Variants in DPYD observed in about 807,000 individuals in gnomAD.
DPYD encodes dihydropyrimidine dehydrogenase.
In DPYD, 109 loss-of-function variants were observed where a neutral mutation model predicts 116.2. That is an observed-to-expected ratio of 0.94 (90% CI 0.80 to 1.10). DPYD has a LOEUF of 1.10. DPYD is among the 50% of genes least tolerant of loss of function. The pLI is 0.00. For missense variants in DPYD, 1,302 were observed against 1,254.5 expected (o/e 1.04, Z -0.57); for synonymous variants, 440 against 432.0 (o/e 1.02, Z -0.23).
intron 19 of DPYD, among the ~76,000 whole-genome samples, chr1:97,212,594 G>A (rs956312714): frequency 1.3e-5 from 2 of 151,952 alleles, no homozygotes; most frequent in Admixed American, 6.6e-5. Context: ...ATGTGGAGTG[G>A]AATTTCCGGA....
chr1:97,093,853 C>T (rs552646801), intron 21 of DPYD, among the ~76,000 whole-genome samples: 2 of 152,134 alleles, frequency 1.3e-5, no homozygotes, highest in East Asian at 3.9e-4. Context: ...CATGACACGT[C>T]TCTCCTCTTA....
intron 8 of DPYD, among the ~76,000 whole-genome samples, chr1:97,662,282 G>C (rs985393065): frequency 1.3e-5 from 2 of 151,698 alleles, no homozygotes; most frequent in Non-Finnish European, 1.5e-5. Flanking sequence ...GATTACAGGT[G>C]TCAGCCACCG....
rs538762414 is a variant in DPYD at position 97,113,247 on chromosome 1, C to T, written c.2623-14615G>A. On this transcript the variant is annotated intron_variant, in intron 20 of 22. Transcript: ENST00000370192. ...CCTATAGAAAGATTTAAAGCTACAG[C>T]GGGCTCTCTGTTATCTAGGGATGGT... 6.6e-5 allele frequency among the ~76,000 whole-genome samples: 10 copies of T among 152,202 alleles called. No individual in the cohort carries two copies. In the South Asian group the frequency reaches 1.0e-3, roughly 16 times the overall value.
chr1:97,407,679 A>G (rs776085829), intron 14 of DPYD, among the ~76,000 whole-genome samples: 2 of 152,120 alleles, frequency 1.3e-5, no homozygotes, highest in Non-Finnish European at 2.9e-5. Flanking sequence ...AGCATCCAAT[A>G]CACGGTACTC....
At chr1:97,201,520 T>C (rs1659199257) in intron 19 of DPYD, among the ~76,000 whole-genome samples, 1 of 152,166 alleles carries the variant, frequency 6.6e-6, no homozygotes, top group African/African-American at 2.4e-5. Context: ...AAACATGGCA[T>C]TGCTTACTGG....
At chr1:97,710,065 A>C (rs1571228262) in intron 5 of DPYD, among the ~76,000 whole-genome samples, 1 of 151,862 alleles carries the variant, frequency 6.6e-6, no homozygotes. Flanking sequence ...TGATTTCATT[A>C]TCAAATAAAA....
intron 12 of DPYD, among the ~76,000 whole-genome samples, chr1:97,538,859 C>A (rs1326957465): frequency 6.6e-6 from 1 of 152,070 alleles, no homozygotes; most frequent in East Asian, 1.9e-4. Context: ...TAAAATAATT[C>A]TGCCTCACAA....
At chr1:97,302,301 T>C (rs1270998202) in intron 18 of DPYD, among the ~76,000 whole-genome samples, 3 of 151,986 alleles carry the variant, frequency 2.0e-5, no homozygotes, top group Non-Finnish European at 2.9e-5. Context: ...AATATTCCTT[T>C]TGGATACCAA....
chr1:97,229,546 GTA>G (rs55638142), intron 19 of DPYD, among the ~76,000 whole-genome samples: 1,360 of 57,774 alleles, frequency 0.024, 5 homozygotes, highest in African/African-American at 0.039. Flanking sequence ...ACCATCCTAA[GTA>G]TATATATATA....
intron 8 of DPYD, among the ~76,000 whole-genome samples, chr1:97,633,372 G>A (rs1222196161): frequency 6.6e-6 from 1 of 152,048 alleles, no homozygotes; most frequent in Non-Finnish European, 1.5e-5. Context: ...CTGAAAGCCT[G>A]GGCCTAGGGT....
At position 97,600,483 on chromosome 1, in the gene DPYD, A is replaced by G. The variant is rs569343816; in HGVS notation, c.851-5317T>C. Reference sequence around the variant, plus strand: ...TTATTAAATCTTATAAAATATCTTAAGGCCGACTGACCTATTTGTATAATT... The same window carrying G: ...TTATTAAATCTTATAAAATATCTTAGGGCCGACTGACCTATTTGTATAATT... On this transcript the variant is annotated intron_variant, in intron 8 of 22. Coordinates refer to ENST00000370192, the MANE Select transcript of DPYD (RefSeq NM_000110.4). 2.0e-5 allele frequency among the ~76,000 whole-genome samples: 3 copies of G among 152,300 alleles called. No individual in the cohort carries two copies. The East Asian group carries it at 5.8e-4, about 29-fold the overall frequency.
rs375490078 is a variant in DPYD, at chr1:97,257,452, T to TATAGAGAGAGAGAG, written c.2300-22459_2300-22458insCTCTCTCTCTCTAT. On this transcript the variant is annotated intron_variant, in intron 18 of 22. Coordinates refer to ENST00000370192, the MANE Select transcript of DPYD (RefSeq NM_000110.4). The stretch of plus-strand genomic sequence containing the variant: ...ATACATACGTATATATATATATATA[T>TATAGAGAGAGAGAG]AGAGAGAGAGAAAGAGAGAGAGAGC... Among the ~76,000 whole-genome samples, 726 of 126,432 alleles carry TATAGAGAGAGAGAG rather than the reference T, an allele frequency of 5.7e-3. 8 individuals are homozygous for TATAGAGAGAGAGAG. The highest frequency in any genetic ancestry group is 0.02 in the African/African-American group (641 of 31,762). 82.9% of individuals were successfully genotyped at this position (126,432 alleles called of 152,430 possible). A position where few individuals can be genotyped will look rare whatever the true frequency, so the allele number is the denominator to read the frequency against.
At chr1:97,496,598 GCTTT>G (rs927715217) in intron 13 of DPYD, among the ~76,000 whole-genome samples, 1 of 151,834 alleles carries the variant, frequency 6.6e-6, no homozygotes, top group African/African-American at 2.4e-5. Flanking sequence ...TTTTTACGGG[GCTTT>G]CTTTTTCTCT....
chr1:97,847,082 ATGAATTTAGAACTGGACTATG>A (rs921250543), intron 2 of DPYD, among the ~76,000 whole-genome samples: 17 of 152,314 alleles, frequency 1.1e-4, no homozygotes, highest in African/African-American at 2.6e-4. Flanking sequence ...ACGGATTGCC[ATGAATTTAGAACTGGACTATG>A]TGAATTTAGA....
chr1:97,288,373 C>G (rs1039790759), intron 18 of DPYD, among the ~76,000 whole-genome samples: 6 of 151,556 alleles, frequency 4.0e-5, no homozygotes, highest in Non-Finnish European at 5.9e-5. Flanking sequence ...CCCAAATCAA[C>G]AGAATATACA....
intron 18 of DPYD, among the ~76,000 whole-genome samples, chr1:97,267,087 T>A (rs1223682118): frequency 6.6e-6 from 1 of 152,290 alleles, no homozygotes; most frequent in East Asian, 1.9e-4. Context: ...TAGTTCTAGA[T>A]CCTTGAGGAA....
intron 5 of DPYD, among the ~76,000 whole-genome samples, chr1:97,710,930 AC>A (rs796102108): frequency 3.1e-4 from 47 of 151,966 alleles, no homozygotes; most frequent in East Asian, 1.7e-3. Flanking sequence ...AATAAAAAAA[AC>A]ATATATATAT....
chr1:97,768,481 C>T (rs1159610756), intron 3 of DPYD, among the ~76,000 whole-genome samples: 3 of 152,132 alleles, frequency 2.0e-5, no homozygotes, highest in Admixed American at 6.5e-5. Flanking sequence ...AAGAAATTCA[C>T]TCTTCTCTTT....
intron 18 of DPYD, among the ~76,000 whole-genome samples, chr1:97,250,971 G>A (rs1275011873): frequency 1.3e-5 from 2 of 152,118 alleles, no homozygotes; most frequent in Admixed American, 6.6e-5. Flanking sequence ...TAAATAAGAA[G>A]TAGCAAAATG....
Sources: gnomAD v4.1 joint callset for allele counts (sites outside exome capture counted in the v4.1 genomes callset) on GRCh38, gnomAD v4.1.1 for gene constraint, MANE v1.5 for transcripts, NCBI Gene and HGNC (gene_info 2026-07-23, HGNC 2026-07-21) for gene names.